Variants in APBB2 observed in about 807,000 individuals in gnomAD.
APBB2 encodes Fe65-like 1.
In APBB2, 38 loss-of-function variants were observed where a neutral mutation model predicts 82.5. The ratio of observed to expected loss-of-function variants is 0.46; its 90% confidence interval spans 0.36 to 0.60. The LOEUF (loss-of-function observed/expected upper bound fraction) is 0.60, where lower values mean the gene tolerates loss of function less well. Among genes scored for constraint, APBB2 ranks in the 20% least tolerant of loss-of-function variants. The pLI is 0.00. For synonymous variants in APBB2, 341 were observed against 368.2 expected, an observed-to-expected ratio of 0.93 and a Z score of 0.85; for missense variants, 772 against 972.3, an observed-to-expected ratio of 0.79 and a Z score of 2.74.
rs558281953 is a variant in APBB2 at position 40,828,705 on chromosome 4, G to A, written c.1645-1486C>T. Among the ~76,000 whole-genome samples the A allele has an allele frequency of 3.3e-5, 5 of 152,318 alleles. No individual in the cohort carries two copies. The South Asian group carries it at 8.3e-4, about 25-fold the overall frequency. ...AGAAATGAAATCCAGGGAGCAGGCC[G>A]CAATGCTGCAAATGGCAGCAACACC... On this transcript the variant is annotated intron_variant, in intron 13 of 17. Coordinates refer to ENST00000508593, the MANE Select transcript of APBB2 (RefSeq NM_004307.2).
chr4:41,095,225 A>G (rs1170620694), intron 3 of APBB2, among the ~76,000 whole-genome samples: 1 of 152,264 alleles, frequency 6.6e-6, no homozygotes, highest in Non-Finnish European at 1.5e-5. Flanking sequence ...AAATGGGGTA[A>G]TAACATCCAC....
chr4:41,047,884 G>GC (rs1213471831), intron 4 of APBB2, among the ~76,000 whole-genome samples: 7 of 152,178 alleles, frequency 4.6e-5, no homozygotes, highest in African/African-American at 1.7e-4. Context: ...CATCTCAGCA[G>GC]CAACACAGAG....
chr4:41,068,712 A>C (rs895291710), intron 3 of APBB2, among the ~76,000 whole-genome samples: 2 of 152,030 alleles, frequency 1.3e-5, no homozygotes, highest in Non-Finnish European at 2.9e-5. Context: ...TTTTCTTAAA[A>C]TGATCTCAGG....
At chr4:41,104,770 T>C (rs1256809650) in intron 2 of APBB2, among the ~76,000 whole-genome samples, 2 of 152,200 alleles carry the variant, frequency 1.3e-5, no homozygotes, top group Non-Finnish European at 2.9e-5. Flanking sequence ...TCTGTTCCTG[T>C]ACTAATTCTC....
At chr4:40,979,974 GT>G (rs1208860902) in intron 6 of APBB2, among the ~76,000 whole-genome samples, 2 of 152,142 alleles carry the variant, frequency 1.3e-5, no homozygotes, top group African/African-American at 4.8e-5. Context: ...AGACACCTAG[GT>G]TTTTTGGAAC....
At chr4:40,902,273 G>A (rs762497640) in intron 10 of APBB2, among the ~76,000 whole-genome samples, 35 of 152,162 alleles carry the variant, frequency 2.3e-4, no homozygotes, top group Non-Finnish European at 4.3e-4. Context: ...ACATCAACAC[G>A]TATTGTATGT....
At chr4:41,086,881 C>A (rs1024478705) in intron 3 of APBB2, among the ~76,000 whole-genome samples, 2 of 151,524 alleles carry the variant, frequency 1.3e-5, no homozygotes, top group Admixed American at 6.6e-5. Context: ...TCTTTGTTTG[C>A]AGATGACATA....
At chr4:40,977,051 A>C (rs1049123084) in intron 6 of APBB2, among the ~76,000 whole-genome samples, 2 of 152,086 alleles carry the variant, frequency 1.3e-5, no homozygotes, top group African/African-American at 2.4e-5. Context: ...CTCAAAAAAA[A>C]ATAGATTTTC....
At chr4:40,964,903 G>T (rs1165705966) in intron 6 of APBB2, among the ~76,000 whole-genome samples, 1 of 152,034 alleles carries the variant, frequency 6.6e-6, no homozygotes, top group Admixed American at 6.6e-5. Context: ...GGCAGATCAC[G>T]AGGTCAGGAG....
At chr4:40,850,114 G>A (rs77472009) in intron 12 of APBB2, among the ~76,000 whole-genome samples, 2,044 of 152,114 alleles carry the variant, frequency 0.013, 46 homozygotes, top group African/African-American at 0.045. Flanking sequence ...TTTAAAAAAC[G>A]AAAACCACAA....
chr4:41,013,491 G>A, intron 6 of APBB2, 92 bp downstream of exon 6: 1 of 1,222,644 alleles, frequency 8.2e-7, no homozygotes, highest in Non-Finnish European at 1.2e-6. Flanking sequence ...CTGCATAATG[G>A]ACATTTTTGG....
intron 4 of APBB2, among the ~76,000 whole-genome samples, chr4:41,035,430 TC>T (rs1718753086): frequency 6.6e-6 from 1 of 152,258 alleles, no homozygotes; most frequent in Non-Finnish European, 1.5e-5. Flanking sequence ...TGATGCCTCC[TC>T]TGTGCTCCTC....
intron 2 of APBB2, among the ~76,000 whole-genome samples, chr4:41,123,123 CCT>C (rs1753356666): frequency 6.6e-6 from 1 of 152,014 alleles, no homozygotes; most frequent in Admixed American, 6.6e-5. Flanking sequence ...TCTCTCTCCC[CCT>C]TTGTCTTTTC....
intron 5 of APBB2, among the ~76,000 whole-genome samples, chr4:41,032,505 G>A (rs976008555): frequency 1.3e-5 from 2 of 149,276 alleles, no homozygotes; most frequent in East Asian, 2.0e-4. Context: ...AGTATTGGGG[G>A]CGGGGGGGGT....
chr4:40,961,660 A>C (rs1323881440), intron 6 of APBB2, among the ~76,000 whole-genome samples: 1 of 136,410 alleles, frequency 7.3e-6, no homozygotes, highest in Non-Finnish European at 1.5e-5. Flanking sequence ...AAGAAAAAAA[A>C]AAGATGTAAA....
chr4:40,938,263 C>T (rs1785892773), intron 7 of APBB2, among the ~76,000 whole-genome samples: 4 of 152,184 alleles, frequency 2.6e-5, no homozygotes, highest in Non-Finnish European at 4.4e-5. Context: ...CTCCCTTTCT[C>T]TGATTACTTG....
rs192369948 is a variant in APBB2, at chr4:40,819,433, G to A, written c.2112+2438C>T. ...CCTCCTGACCTCAAGTGATCCGCCC[G>A]CCTCAGCCTCCCAAAGTATTGGGAT... is the stretch of plus-strand genomic sequence containing the variant. On this transcript the variant is annotated intron_variant, in intron 17 of 17. Coordinates refer to ENST00000508593, the MANE Select transcript of APBB2 (RefSeq NM_004307.2). Among the ~76,000 whole-genome samples, 600 of 151,864 alleles carry A rather than the reference G, an allele frequency of 4.0e-3. 6 individuals carry two copies. Among genetic ancestry groups the A allele is most frequent in the African/African-American group, 0.014 (561 of 41,410 alleles).
chr4:40,838,136 C>CATTGTT (rs1754597273), intron 12 of APBB2, among the ~76,000 whole-genome samples: 1 of 142,196 alleles, frequency 7.0e-6, no homozygotes, highest in South Asian at 2.3e-4. Context: ...TTCAAGTGGG[C>CATTGTT]ATTATTATTA....
At chr4:40,956,307 GCAAA>G (rs952196077) in intron 6 of APBB2, among the ~76,000 whole-genome samples, 34 of 152,156 alleles carry the variant, frequency 2.2e-4, no homozygotes, top group African/African-American at 8.2e-4. Context: ...GTTCCAGGCA[GCAAA>G]CAGAGGCTGC....
Sources: gnomAD v4.1 joint callset for allele counts (sites outside exome capture counted in the v4.1 genomes callset) on GRCh38, gnomAD v4.1.1 for gene constraint, MANE v1.5 for transcripts, NCBI Gene and HGNC (gene_info 2026-07-23, HGNC 2026-07-21) for gene names.